The following MYO1E variants were observed in gnomAD, a reference collection of about 807,000 sequenced individuals.
MYO1E encodes myosin IE, also known as unconventional myosin-Ie.
MYO1E carries 68 observed loss-of-function variants against 151.1 expected under a neutral mutation model. That is an observed-to-expected ratio of 0.45 (90% CI 0.37 to 0.55). MYO1E has a LOEUF of 0.55. MYO1E is among the 20% of genes least tolerant of loss of function. The pLI is 0.00. For missense variants in MYO1E, 1,363 were observed against 1,389.3 expected, an observed-to-expected ratio of 0.98 and a Z score of 0.30; for synonymous variants, 601 against 501.7, an observed-to-expected ratio of 1.20 and a Z score of -2.64.
chr15:59,218,128 G>C (rs768690702), intron 9 of MYO1E, 41 bp from the exon 10 acceptor site: 3 of 1,606,778 alleles, frequency 1.9e-6, no homozygotes, highest in South Asian at 2.2e-5. Context: ...TTTCAGAATT[G>C]TGACACTTCC....
chr15:59,314,872 C>T (rs1246682327), intron 1 of MYO1E, among the ~76,000 whole-genome samples: 1 of 152,128 alleles, frequency 6.6e-6, no homozygotes, highest in Non-Finnish European at 1.5e-5. Flanking sequence ...GAGGAGGAGG[C>T]AGCTTCCATC....
chr15:59,209,326 CACTT>C (rs769297337), intron 13 of MYO1E, among the ~76,000 whole-genome samples: 4 of 152,284 alleles, frequency 2.6e-5, no homozygotes, highest in East Asian at 1.9e-4. Flanking sequence ...ACATTCTTCA[CACTT>C]ACTATTTTAA....
At chr15:59,277,548 CAA>C (rs1166969756) in intron 1 of MYO1E, among the ~76,000 whole-genome samples, 22 of 42,944 alleles carry the variant, frequency 5.1e-4, no homozygotes, top group African/African-American at 1.6e-3. Flanking sequence ...CATCCCCCCA[CAA>C]AAAAAAAAAA....
Position 59,137,108 on chromosome 15 carries a change from C to A in MYO1E, c.*272G>T. The A allele has an allele frequency of 2.1e-6, 1 of 485,496 alleles. No individual in the cohort carries two copies. The highest frequency in any genetic ancestry group is 3.8e-6 in the Non-Finnish European group (1 of 263,984). 30.1% of individuals were successfully genotyped at this position (485,496 alleles called of 1,614,324 possible). A position where few individuals can be genotyped will look rare whatever the true frequency, so the allele number is the denominator to read the frequency against. On this transcript the variant is annotated 3_prime_UTR_variant, in exon 28 of 28. Transcript: ENST00000288235. ...GAGCAGACCTCACTTGTCCTCTCACCAGGTTTAAATACAATAAATAAATCT... is the reference window on the plus strand; with the variant it reads ...GAGCAGACCTCACTTGTCCTCTCACAAGGTTTAAATACAATAAATAAATCT...
chr15:59,208,495 A>G lies in MYO1E; in HGVS notation c.1530+186T>C, dbSNP rs183638724. 9.3e-4 allele frequency: 651 copies of G among 696,856 alleles called. 5 individuals carry two copies. In the African/African-American group the frequency reaches 0.01, roughly 11 times the overall value. 43.2% of individuals were successfully genotyped at this position (696,856 alleles called of 1,614,324 possible). A position where few individuals can be genotyped will look rare whatever the true frequency, so the allele number is the denominator to read the frequency against. On this transcript the variant is annotated intron_variant, in intron 14 of 27. Coordinates refer to ENST00000288235, the MANE Select transcript of MYO1E (RefSeq NM_004998.4). Reference sequence around the variant, plus strand: ...TAGTAGCTTCTTCTACAATGTAAAAATAAATGTACATACAAAAAAATGCAG... The same window carrying G: ...TAGTAGCTTCTTCTACAATGTAAAAGTAAATGTACATACAAAAAAATGCAG...
intron 14 of MYO1E, 139 bp downstream of exon 14, chr15:59,208,542 T>C: frequency 1.9e-6 from 2 of 1,076,042 alleles, no homozygotes; most frequent in Non-Finnish European, 2.8e-6. Context: ...ATCTTTTGTT[T>C]TGCTTCCTTT....
chr15:59,308,401 A>G (rs1277333953), intron 1 of MYO1E, among the ~76,000 whole-genome samples: 1 of 146,286 alleles, frequency 6.8e-6, no homozygotes, highest in African/African-American at 2.5e-5. Flanking sequence ...GCTGGGCACA[A>G]TGGCTCACGC....
rs1238317766 is a variant in MYO1E, at chr15:59,224,900, C to A, written c.643-77G>T. The A allele has an allele frequency of 7.5e-6, 12 of 1,591,672 alleles. No homozygotes were observed. The East Asian group carries it at 2.7e-4, about 36-fold the overall frequency. ...AAGTCACTCCTGCATCCTGCAGCCA[C>A]CATCCCTAAGGACTTTCTATCTCTG... On this transcript the variant is annotated intron_variant, in intron 7 of 27. Transcript: ENST00000288235.
chr15:59,225,732 C>T (rs554554406), intron 7 of MYO1E, among the ~76,000 whole-genome samples: 8 of 151,820 alleles, frequency 5.3e-5, no homozygotes, highest in South Asian at 2.1e-4. Flanking sequence ...CTGCAAGCTC[C>T]GCCTCCCAGG....
In MYO1E at chr15:59,335,311, G is replaced by A. The variant is rs1226298591; in HGVS notation, c.3+37187C>T. Among the ~76,000 whole-genome samples, 3 of 152,258 alleles carry A rather than the reference G, an allele frequency of 2.0e-5. No individual in the cohort carries two copies. In the East Asian group the frequency reaches 5.8e-4, roughly 29 times the overall value. ...GTAAAAGGTGGACTAGCATCAAAGA[G>A]TGTGAAAACGACTCCAAGCTACTTT... On this transcript the variant is annotated intron_variant, in intron 1 of 27. Coordinates refer to ENST00000288235, the MANE Select transcript of MYO1E (RefSeq NM_004998.4).
chr15:59,144,124 A>G (rs903112371), intron 26 of MYO1E, among the ~76,000 whole-genome samples: 1 of 152,144 alleles, frequency 6.6e-6, no homozygotes, highest in African/African-American at 2.4e-5. Flanking sequence ...AGATTCAGGC[A>G]ATGGCCTAGG....
At chr15:59,287,301 C>A (rs12591084) in intron 1 of MYO1E, among the ~76,000 whole-genome samples, 81,119 of 152,090 alleles carry the variant, frequency 0.53, 22,633 homozygotes, top group Middle Eastern at 0.68. Context: ...AAGGCAAGCA[C>A]TGCAGCATGC....
chr15:59,213,503 T>A (rs1055480236), intron 12 of MYO1E, among the ~76,000 whole-genome samples: 1 of 150,000 alleles, frequency 6.7e-6, no homozygotes, highest in African/African-American at 2.5e-5. Flanking sequence ...TCTTGCTCTG[T>A]TGCCTAGGAT....
At chr15:59,282,522 T>C (rs1426491426) in intron 1 of MYO1E, among the ~76,000 whole-genome samples, 1 of 152,046 alleles carries the variant, frequency 6.6e-6, no homozygotes. Flanking sequence ...AACCCTAGAA[T>C]GGTGGCTCCT....
intron 26 of MYO1E, among the ~76,000 whole-genome samples, chr15:59,144,907 G>A (rs980048613): frequency 6.6e-6 from 1 of 152,126 alleles, no homozygotes; most frequent in African/African-American, 2.4e-5. Context: ...GCAATGGTAC[G>A]ATCTCGGCTC....
chr15:59,231,603 A>G, intron 6 of MYO1E, 99 bp downstream of exon 6: 2 of 1,250,160 alleles, frequency 1.6e-6, no homozygotes, highest in Non-Finnish European at 2.3e-6. Context: ...TCCTGATGAT[A>G]TGTGAAAGGC....
At chr15:59,364,583 A>G (rs1478372821) in intron 1 of MYO1E, among the ~76,000 whole-genome samples, 3 of 152,236 alleles carry the variant, frequency 2.0e-5, no homozygotes, top group Non-Finnish European at 4.4e-5. Context: ...CACAAATTGT[A>G]TATTTGCCCC....
chr15:59,278,571 A>G (rs1290527934), intron 1 of MYO1E, among the ~76,000 whole-genome samples: 1 of 152,248 alleles, frequency 6.6e-6, no homozygotes, highest in Non-Finnish European at 1.5e-5. Context: ...ACTGGTCTAC[A>G]AACCAGCATT....
At chr15:59,291,682 TAAA>T (rs1182076268) in intron 1 of MYO1E, among the ~76,000 whole-genome samples, 39 of 7,798 alleles carry the variant, frequency 5.0e-3, no homozygotes, top group African/African-American at 0.01. Flanking sequence ...CTAAAAATAC[TAAA>T]AAAAAAAAAA....
Sources: allele counts gnomAD v4.1 joint callset (sites outside exome capture counted in the v4.1 genomes callset), GRCh38; gene constraint gnomAD v4.1.1; transcripts MANE v1.5; gene names NCBI Gene and HGNC (gene_info 2026-07-23, HGNC 2026-07-21).